GALNT10: variants seen among roughly 807,000 people sequenced by gnomAD.
GALNT10 encodes GalNAc transferase 10.
A neutral mutation model predicts 75.0 loss-of-function variants in GALNT10; 41 were observed. The observed-to-expected ratio is 0.55, with a 90% CI of 0.43 to 0.71. The LOEUF (loss-of-function observed/expected upper bound fraction) is 0.71, where lower values mean the gene tolerates loss of function less well. Among genes scored for constraint, GALNT10 ranks in the 30% least tolerant of loss-of-function variants. The pLI, the probability that GALNT10 is intolerant of heterozygous loss-of-function variation, is 0.00. For synonymous variants in GALNT10, 302 were observed against 313.0 expected (o/e 0.96, Z 0.37); for missense variants, 727 against 818.5 (o/e 0.89, Z 1.36).
chr5:154,385,142 G>A (rs1755790109), intron 6 of GALNT10, among the ~76,000 whole-genome samples: 1 of 152,094 alleles, frequency 6.6e-6, no homozygotes, highest in Non-Finnish European at 1.5e-5. Flanking sequence ...GGGAATGGAG[G>A]TTGCTGCTGG....
chr5:154,238,579 C>T (rs771068729), intron 1 of GALNT10, among the ~76,000 whole-genome samples: 1 of 152,174 alleles, frequency 6.6e-6, no homozygotes, highest in African/African-American at 2.4e-5. Flanking sequence ...GATTATTAAA[C>T]GCTGATTGAG....
chr5:154,307,622 G>GAAAA (rs368835213), intron 3 of GALNT10, among the ~76,000 whole-genome samples: 3 of 125,114 alleles, frequency 2.4e-5, no homozygotes, highest in Non-Finnish European at 5.1e-5. Flanking sequence ...TCCATCTCAA[G>GAAAA]AAAAAAAAAA....
At position 154,409,479 on chromosome 5, in the gene GALNT10, C is replaced by G. The variant is rs781014781; in HGVS notation, c.1165-62C>G. On this transcript the variant is annotated intron_variant, in intron 8 of 11. Transcript: ENST00000297107. This position sits in a 1 kb window ranked among gnomAD's most constrained non-coding sequence, Gnocchi z 4.5. ...CCTCGACCTGCCAGGACCCTTTTCA[C>G]CCCACTGCCTGGCTTTGGCTTCTTG... 6 of 1,086,672 alleles carry G rather than the reference C, an allele frequency of 5.5e-6. No individual in the cohort carries two copies. Among genetic ancestry groups the G allele is most frequent in the Non-Finnish European group, 8.6e-6 (6 of 697,886 alleles). The allele number at this position is 1,086,672 out of a possible 1,614,324, so 67.3% of individuals were successfully genotyped here.
At chr5:154,249,397 A>G (rs1162028875) in intron 1 of GALNT10, among the ~76,000 whole-genome samples, 1 of 152,158 alleles carries the variant, frequency 6.6e-6, no homozygotes, top group African/African-American at 2.4e-5. Context: ...TGCACACACC[A>G]ATATTAATAC....
At chr5:154,331,933 T>C (rs1349452469) in intron 4 of GALNT10, among the ~76,000 whole-genome samples, 1 of 152,172 alleles carries the variant, frequency 6.6e-6, no homozygotes, top group African/African-American at 2.4e-5. Flanking sequence ...AGGGAAGCCT[T>C]GGGGTCCCTC....
intron 4 of GALNT10, among the ~76,000 whole-genome samples, chr5:154,333,641 T>C (rs999982979): frequency 9.2e-5 from 14 of 152,164 alleles, no homozygotes; most frequent in South Asian, 4.1e-4. Flanking sequence ...GTGCATCTGT[T>C]TCTCCAGAGA....
intron 7 of GALNT10, among the ~76,000 whole-genome samples, chr5:154,393,419 T>TA (rs1213604706): frequency 1.3e-5 from 2 of 152,166 alleles, no homozygotes; most frequent in African/African-American, 4.8e-5. Context: ...CCTTCATCCC[T>TA]AGTGGCCTTT....
rs1373123179 is a variant in GALNT10 at position 154,352,481 on chromosome 5, ATAT to A, written c.568+22747_568+22749del. On this transcript the variant is annotated intron_variant, in intron 4 of 11. Transcript: ENST00000297107. The surrounding 1 kb of genome is among the most constrained non-coding windows in gnomAD (Gnocchi z 4.4). ...ACAGCAGCCTTGTAAGGGAGGTATAATATTATCCCCATTTTGCCCATGAAAACC... is the reference window on the plus strand; with the variant it reads ...ACAGCAGCCTTGTAAGGGAGGTATAATATCCCCATTTTGCCCATGAAAACC... Among the ~76,000 whole-genome samples, 7 of 152,192 alleles carry A rather than the reference ATAT, an allele frequency of 4.6e-5. No homozygotes were observed. The highest frequency in any genetic ancestry group is 1.4e-4 in the African/African-American group (6 of 41,450).
intron 4 of GALNT10, 32 bp downstream of exon 4, chr5:154,329,770 C>A (rs1419724118): frequency 6.5e-6 from 10 of 1,549,438 alleles, no homozygotes; most frequent in Non-Finnish European, 8.9e-6. Context: ...CTCCCACCCT[C>A]TGTGCTTCAT....
At chr5:154,223,110 G>A (rs1334221212) in intron 1 of GALNT10, among the ~76,000 whole-genome samples, 2 of 152,190 alleles carry the variant, frequency 1.3e-5, no homozygotes, top group African/African-American at 2.4e-5. Context: ...GTAGGGCACC[G>A]TACTAGGTGC....
chr5:154,206,636 G>C (rs1297433129), intron 1 of GALNT10, among the ~76,000 whole-genome samples: 5 of 152,250 alleles, frequency 3.3e-5, no homozygotes. Context: ...CTTTAGCAAA[G>C]TGTACATGGT....
At chr5:154,411,658 C>G (rs961764073) in intron 9 of GALNT10, among the ~76,000 whole-genome samples, 1 of 152,228 alleles carries the variant, frequency 6.6e-6, no homozygotes, top group African/African-American at 2.4e-5. Context: ...TAGCCTACCC[C>G]AACATCACCT....
In GALNT10 at chr5:154,416,674, C is replaced by T. The variant is rs370291795; in HGVS notation, c.1654-140C>T. 4.4e-4 allele frequency: 290 copies of T among 662,486 alleles called. 4 individuals carry two copies. Among genetic ancestry groups the T allele is most frequent in the East Asian group, 4.3e-3 (158 of 37,126 alleles). 41.0% of individuals were successfully genotyped at this position (662,486 alleles called of 1,614,324 possible). On this transcript the variant is annotated intron_variant, in intron 11 of 11. Transcript: ENST00000297107. This position sits in a 1 kb window ranked among gnomAD's most constrained non-coding sequence, Gnocchi z 4.5. ...GGCTGGGCAGCATCCGGCTTGTGAG[C>T]TCAGGAGGAAAACCAACAGGTGTAT... is the stretch of plus-strand genomic sequence containing the variant.
chr5:154,390,352 G>A (rs1024540898), intron 7 of GALNT10, among the ~76,000 whole-genome samples: 4 of 152,096 alleles, frequency 2.6e-5, no homozygotes, highest in Admixed American at 2.0e-4. Context: ...AATAACACCC[G>A]ACAAGAATAG....
chr5:154,370,529 C>T (rs1288800609), intron 4 of GALNT10, among the ~76,000 whole-genome samples: 24 of 152,124 alleles, frequency 1.6e-4, no homozygotes, highest in Admixed American at 1.6e-3. Context: ...TTTGGGATGT[C>T]AACCAATCCA....
intron 1 of GALNT10, among the ~76,000 whole-genome samples, chr5:154,271,685 G>A (rs896715330): frequency 1.3e-5 from 2 of 152,178 alleles, no homozygotes; most frequent in African/African-American, 4.8e-5. Flanking sequence ...CAATGTCCCA[G>A]TGGATGCCAC....
chr5:154,273,907 T>C (rs1235283530), intron 1 of GALNT10, among the ~76,000 whole-genome samples: 2 of 152,210 alleles, frequency 1.3e-5, no homozygotes, highest in African/African-American at 4.8e-5. Context: ...GGGCCCCTCT[T>C]GCCGGGCTCC....
intron 4 of GALNT10, among the ~76,000 whole-genome samples, chr5:154,360,382 C>T (rs764768116): frequency 5.4e-5 from 8 of 149,066 alleles, no homozygotes; most frequent in Non-Finnish European, 1.0e-4. Context: ...ATCCGGAAGG[C>T]GGAGGTTGCA....
chr5:154,229,674 G>A (rs1014902804), intron 1 of GALNT10, among the ~76,000 whole-genome samples: 1 of 152,102 alleles, frequency 6.6e-6, no homozygotes. Flanking sequence ...CGCACCTTGC[G>A]GTGAGCCGAG....
Sources: gnomAD v4.1 joint callset for allele counts (sites outside exome capture counted in the v4.1 genomes callset) on GRCh38, gnomAD v4.1.1 for gene constraint, Gnocchi (gnomAD v3.1) non-coding constraint, MANE v1.5 for transcripts, NCBI Gene and HGNC (gene_info 2026-07-23, HGNC 2026-07-21) for gene names.